The following SLIT1 variants were observed in gnomAD, a reference collection of about 807,000 sequenced individuals.
The protein encoded by SLIT1 is slit guidance ligand 1.
Under a neutral mutation model 186.1 loss-of-function variants are expected in SLIT1, and 66 were observed. The ratio of observed to expected loss-of-function variants is 0.35; its 90% confidence interval spans 0.29 to 0.44. The LOEUF is 0.44. SLIT1 is among the 20% of genes least tolerant of loss of function. The pLI is 1.00. For missense variants in SLIT1, 1,638 were observed against 2,037.4 expected, an observed-to-expected ratio of 0.80 and a Z score of 3.77; for synonymous variants, 761 against 833.8, an observed-to-expected ratio of 0.91 and a Z score of 1.50.
intron 4 of SLIT1, among the ~76,000 whole-genome samples, chr10:97,156,157 CA>C (rs1431595815): frequency 2.6e-5 from 4 of 152,150 alleles, no homozygotes; most frequent in African/African-American, 9.7e-5. Flanking sequence ...AGGGTGGTGG[CA>C]AAGACCAGCA....
chr10:97,133,149 A>G (rs1041237446), intron 4 of SLIT1, among the ~76,000 whole-genome samples: 1 of 152,210 alleles, frequency 6.6e-6, no homozygotes, highest in Non-Finnish European at 1.5e-5. Context: ...CAAAATGTGT[A>G]CAGACAATGG....
At chr10:97,150,991 T>C (rs983640543) in intron 4 of SLIT1, among the ~76,000 whole-genome samples, 1 of 150,318 alleles carries the variant, frequency 6.7e-6, no homozygotes, top group African/African-American at 2.4e-5. Context: ...CACCAGGGTA[T>C]ACCTGCCCCC....
intron 34 of SLIT1, 92 bp downstream of exon 34, chr10:97,003,976 G>T: frequency 8.5e-7 from 1 of 1,172,016 alleles, no homozygotes; most frequent in Non-Finnish European, 1.2e-6. Flanking sequence ...TTCCCACTTG[G>T]CATTTCCCAC....
chr10:97,011,476 C>T (rs769543436), intron 30 of SLIT1, among the ~76,000 whole-genome samples: 2 of 152,108 alleles, frequency 1.3e-5, no homozygotes, highest in Non-Finnish European at 2.9e-5. Flanking sequence ...GCCCCTTCCC[C>T]ACCTCCCCAG....
intron 23 of SLIT1, among the ~76,000 whole-genome samples, chr10:97,033,310 T>C (rs1848608720): frequency 6.6e-6 from 1 of 152,170 alleles, no homozygotes; most frequent in African/African-American, 2.4e-5. Context: ...GGCTCTACTG[T>C]TCTATCTGTA....
chr10:97,080,000 A>G (rs1038184077), intron 4 of SLIT1, among the ~76,000 whole-genome samples: 2 of 152,172 alleles, frequency 1.3e-5, no homozygotes, highest in Non-Finnish European at 1.5e-5. Flanking sequence ...GCAGGAAGCA[A>G]TGAGGGTATG....
chr10:97,084,924 C>CTT (rs34001660), intron 4 of SLIT1, among the ~76,000 whole-genome samples: 57,873 of 125,976 alleles, frequency 0.46, 15,779 homozygotes, highest in East Asian at 0.8. Context: ...CTTTTCTTTC[C>CTT]TTTTTTTTTT....
intron 7 of SLIT1, 94 bp downstream of exon 7, chr10:97,064,074 G>T: frequency 2.0e-6 from 2 of 1,025,634 alleles, no homozygotes; most frequent in South Asian, 1.4e-5. Flanking sequence ...TGAGCTCCAT[G>T]ACCTGTCTGC....
At chr10:97,174,357 A>T (rs1850229570) in intron 1 of SLIT1, among the ~76,000 whole-genome samples, 1 of 152,180 alleles carries the variant, frequency 6.6e-6, no homozygotes, top group African/African-American at 2.4e-5. Context: ...CTGCTGGCAT[A>T]CCATACTCAA....
At chr10:97,175,748 A>T (rs886382330) in intron 1 of SLIT1, among the ~76,000 whole-genome samples, 1 of 151,970 alleles carries the variant, frequency 6.6e-6, no homozygotes, top group South Asian at 2.1e-4. Flanking sequence ...GGCCCCACTG[A>T]CAGCCCCTAG....
At chr10:97,155,687 T>C (rs897175126) in intron 4 of SLIT1, among the ~76,000 whole-genome samples, 3 of 152,118 alleles carry the variant, frequency 2.0e-5, no homozygotes, top group African/African-American at 7.2e-5. Context: ...GGGCAACGGA[T>C]CACTATGGGA....
chr10:97,035,151 C>T (rs1246905825), intron 22 of SLIT1, among the ~76,000 whole-genome samples: 3 of 152,150 alleles, frequency 2.0e-5, no homozygotes, highest in East Asian at 1.9e-4. Context: ...TCCCGCCACC[C>T]GCTTTCCTCC....
At chr10:97,073,225 C>G (rs550890435) in intron 4 of SLIT1, among the ~76,000 whole-genome samples, 65 of 152,308 alleles carry the variant, frequency 4.3e-4, no homozygotes, top group Non-Finnish European at 6.8e-4. Context: ...TGGAAACCCC[C>G]CAAAAGCACC....
chr10:97,100,815 G>A (rs1251460403), intron 4 of SLIT1, among the ~76,000 whole-genome samples: 2 of 152,178 alleles, frequency 1.3e-5, no homozygotes, highest in South Asian at 2.1e-4. Flanking sequence ...CCGTTGGTAC[G>A]CCGCTGCCTC....
intron 21 of SLIT1, among the ~76,000 whole-genome samples, chr10:97,039,515 C>A (rs948725537): frequency 6.6e-6 from 1 of 152,038 alleles, no homozygotes; most frequent in Non-Finnish European, 1.5e-5. Context: ...CTCTGACTGG[C>A]GATTTCAGTG....
intron 4 of SLIT1, among the ~76,000 whole-genome samples, chr10:97,123,619 G>A (rs1324289539): frequency 1.8e-4 from 27 of 151,874 alleles, no homozygotes; most frequent in Non-Finnish European, 2.5e-4. Flanking sequence ...TCAAAACACC[G>A]TCTCTACTAA....
chr10:97,178,271 C>T (rs1850283192), intron 1 of SLIT1, among the ~76,000 whole-genome samples: 2 of 152,194 alleles, frequency 1.3e-5, no homozygotes, highest in Admixed American at 1.3e-4. Context: ...AATACTGGCA[C>T]AAACTGACAT....
chr10:97,119,939 A>ATATATATG (rs1554852196), intron 4 of SLIT1, among the ~76,000 whole-genome samples: 14 of 136,702 alleles, frequency 1.0e-4, no homozygotes, highest in Admixed American at 1.5e-4. Context: ...ATATATATAT[A>ATATATATG]TATATATGTA....
intron 25 of SLIT1, among the ~76,000 whole-genome samples, chr10:97,024,041 A>G (rs903615211): frequency 2.0e-5 from 3 of 152,204 alleles, no homozygotes; most frequent in Admixed American, 2.0e-4. Flanking sequence ...CTCAGCAAAT[A>G]TGAATGCCTT....
Sources: allele counts gnomAD v4.1 joint callset (sites outside exome capture counted in the v4.1 genomes callset), GRCh38; gene constraint gnomAD v4.1.1; transcripts MANE v1.5; gene names NCBI Gene and HGNC (gene_info 2026-07-23, HGNC 2026-07-21).